The following RAB5C variants were observed in gnomAD, a reference collection of about 807,000 sequenced individuals.
The protein encoded by RAB5C is ras-related protein Rab-5C.
RAB5C carries 4 observed loss-of-function variants against 25.2 expected under a neutral mutation model. That is an observed-to-expected ratio of 0.16 (90% CI 0.08 to 0.36). RAB5C has a LOEUF of 0.36. RAB5C is among the 10% of genes least tolerant of loss of function. The pLI is 1.00. For synonymous variants in RAB5C, 100 were observed against 106.4 expected (o/e 0.94, Z 0.37); for missense variants, 199 against 283.8 (o/e 0.70, Z 2.15).
In RAB5C at chr17:42,125,775, A is replaced by AG. The variant is rs781846461; in HGVS notation, c.*7dup. 7 of 1,589,430 alleles carry AG rather than the reference A, an allele frequency of 4.4e-6. No individual in the cohort carries two copies. Among genetic ancestry groups the AG allele is most frequent in the Non-Finnish European group, 5.1e-6 (6 of 1,167,922 alleles). The stretch of plus-strand genomic sequence containing the variant: ...AGGAGGCGGGGGCAGCGGGCAGGCA[A>AG]GGGGGGCTCAGTTGCTGCAGCACTG... On this transcript the variant is annotated 3_prime_UTR_variant, in exon 6 of 6. Coordinates refer to ENST00000346213, the MANE Select transcript of RAB5C (RefSeq NM_004583.4).
Position 42,127,744 on chromosome 17 carries a change from G to T in RAB5C, c.441+517C>A, listed in dbSNP as rs145786142. Reference sequence around the variant, plus strand: ...GGGTTTCGCCACATTGCCCATGCTGGTCTCGAACTCCTAAGCTCAAGTGAT... The same window carrying T: ...GGGTTTCGCCACATTGCCCATGCTGTTCTCGAACTCCTAAGCTCAAGTGAT... On this transcript the variant is annotated intron_variant, in intron 4 of 5. Transcript: ENST00000346213. Among the ~76,000 whole-genome samples the T allele has an allele frequency of 5.2e-4, 78 of 151,156 alleles. 1 individual carries two copies. The East Asian group carries it at 0.014, about 27-fold the overall frequency.
intron 1 of RAB5C, among the ~76,000 whole-genome samples, chr17:42,133,712 C>T (rs1319180878): frequency 6.6e-6 from 1 of 152,222 alleles, no homozygotes; most frequent in Non-Finnish European, 1.5e-5. Flanking sequence ...TTGTAGAAGC[C>T]ACCTGAGCTG....
intron 1 of RAB5C, among the ~76,000 whole-genome samples, chr17:42,133,713 A>C (rs974712487): frequency 1.3e-5 from 2 of 152,212 alleles, no homozygotes; most frequent in African/African-American, 4.8e-5. Context: ...TGTAGAAGCC[A>C]CCTGAGCTGA....
chr17:42,151,162 C>T (rs991646901), intron 1 of RAB5C, among the ~76,000 whole-genome samples: 21 of 152,110 alleles, frequency 1.4e-4, no homozygotes, highest in Admixed American at 7.9e-4. Flanking sequence ...TCTGGCCAGG[C>T]GCAGTGGCTC....
rs1256577681 is a variant in RAB5C, at chr17:42,125,438, A to T, written c.*345T>A. 8.7e-6 allele frequency: 2 copies of T among 230,682 alleles called. No homozygotes were observed. Among genetic ancestry groups the T allele is most frequent in the Admixed American group, 1.1e-4 (2 of 18,564 alleles). 14.3% of individuals were successfully genotyped at this position (230,682 alleles called of 1,614,324 possible). On this transcript the variant is annotated 3_prime_UTR_variant, in exon 6 of 6. Coordinates refer to ENST00000346213, the MANE Select transcript of RAB5C (RefSeq NM_004583.4). Reference sequence around the variant, plus strand: ...AGGGAAAGAAAGGGTAGCTGCACTGACCCCACTGTCCCCATATACAAGGGT... The same window carrying T: ...AGGGAAAGAAAGGGTAGCTGCACTGTCCCCACTGTCCCCATATACAAGGGT...
chr17:42,140,653 A>G (rs1598253004), intron 1 of RAB5C, among the ~76,000 whole-genome samples: 1 of 150,450 alleles, frequency 6.6e-6, no homozygotes, highest in Non-Finnish European at 1.5e-5. Flanking sequence ...CCTCCTGAGT[A>G]GCTGGGATTC....
At chr17:42,131,458 A>T (rs1414513825) in intron 1 of RAB5C, 2 of 722,058 alleles carry the variant, frequency 2.8e-6, no homozygotes, top group Non-Finnish European at 4.6e-6. Flanking sequence ...ACACACAAAA[A>T]CACATGCCAA....
chr17:42,127,489 C>T (rs2054438187), intron 4 of RAB5C, among the ~76,000 whole-genome samples: 1 of 152,008 alleles, frequency 6.6e-6, no homozygotes, highest in Admixed American at 6.6e-5. Context: ...AGAAAGAGAA[C>T]CAGGGAGAGA....
At chr17:42,151,731 A>G (rs912017146) in intron 1 of RAB5C, among the ~76,000 whole-genome samples, 1 of 152,158 alleles carries the variant, frequency 6.6e-6, no homozygotes, top group African/African-American at 2.4e-5. Context: ...AATTAATGAC[A>G]TGTAGATGTC....
chr17:42,140,982 C>T (rs1471999151), intron 1 of RAB5C, among the ~76,000 whole-genome samples: 1 of 151,984 alleles, frequency 6.6e-6, no homozygotes, highest in African/African-American at 2.4e-5. Flanking sequence ...GCGCATGCCA[C>T]CATGCCCAGC....
chr17:42,131,156 T>C (rs2054481868), intron 1 of RAB5C, among the ~76,000 whole-genome samples: 1 of 152,094 alleles, frequency 6.6e-6, no homozygotes, highest in Admixed American at 6.5e-5. Context: ...CCAGCACAAG[T>C]TGTTATTAAC....
At chr17:42,139,083 G>A (rs2054565798) in intron 1 of RAB5C, among the ~76,000 whole-genome samples, 1 of 152,184 alleles carries the variant, frequency 6.6e-6, no homozygotes, top group Non-Finnish European at 1.5e-5. Flanking sequence ...AGCAGTCAGG[G>A]CTGGATGGAA....
chr17:42,141,418 A>G (rs2079602657), intron 1 of RAB5C, among the ~76,000 whole-genome samples: 1 of 152,256 alleles, frequency 6.6e-6, no homozygotes, highest in Non-Finnish European at 1.5e-5. Context: ...ACATAACAGC[A>G]AGCCTGACCC....
At position 42,128,774 on chromosome 17, in the gene RAB5C, G is replaced by A. The variant is rs771196061; in HGVS notation, c.193C>T (p.Leu65=). Residue 65 remains leucine, a synonymous_variant, in exon 3 of 6, where the codon CTG becomes TTG. Coordinates refer to ENST00000346213, the MANE Select transcript of RAB5C (RefSeq NM_004583.4). ...GAAFLTQTVC[L]DDTTVKFEIW... ...TCAAACTTGACTGTTGTGTCATCCA[G>A]GCAGACAGTCTGTGTGAGGAAGGCC... 2 of 1,562,184 alleles carry A rather than the reference G, an allele frequency of 1.3e-6. No homozygotes were observed. The highest frequency in any genetic ancestry group is 2.4e-5 in the South Asian group (2 of 82,894).
At chr17:42,149,094 A>G (rs1187816988) in intron 1 of RAB5C, among the ~76,000 whole-genome samples, 1 of 152,216 alleles carries the variant, frequency 6.6e-6, no homozygotes, top group South Asian at 2.1e-4. Context: ...AGGATGCCAA[A>G]AATATTCCGA....
intron 1 of RAB5C, chr17:42,131,668 T>TG (rs2054487716): frequency 6.7e-7 from 1 of 1,501,606 alleles, no homozygotes. Flanking sequence ...GCAGGAGGTG[T>TG]GGGAGGGCAG....
intron 1 of RAB5C, among the ~76,000 whole-genome samples, chr17:42,144,315 G>T (rs927177929): frequency 6.6e-6 from 1 of 151,692 alleles, no homozygotes; most frequent in South Asian, 2.1e-4. Flanking sequence ...AAATTAGCCG[G>T]GCATGGTGGC....
At position 42,125,678 on chromosome 17, in the gene RAB5C, G is replaced by GC. The variant is rs1197245278; in HGVS notation, c.*104dup. ...GAAATCATGGTGGACCCCTCCCCCT[G>GC]CCCCCCCAGTGGTGGCCCGAGTCGT... On this transcript the variant is annotated 3_prime_UTR_variant, in exon 6 of 6. Coordinates refer to ENST00000346213, the MANE Select transcript of RAB5C (RefSeq NM_004583.4). The GC allele has an allele frequency of 1.0e-4, 74 of 736,650 alleles. No homozygotes were observed. Among genetic ancestry groups the GC allele is most frequent in the South Asian group, 1.2e-4 (7 of 57,050 alleles). The allele number at this position is 736,650 out of a possible 1,614,324, so 45.6% of individuals were successfully genotyped here. A position where few individuals can be genotyped will look rare whatever the true frequency, so the allele number is the denominator to read the frequency against.
intron 1 of RAB5C, chr17:42,131,759 C>T: frequency 1.4e-6 from 1 of 720,714 alleles, no homozygotes; most frequent in Non-Finnish European, 2.2e-6. Context: ...TTCAGAGGCT[C>T]AACTTTTTGT....
Sources: gnomAD v4.1 joint callset for allele counts (sites outside exome capture counted in the v4.1 genomes callset) on GRCh38, gnomAD v4.1.1 for gene constraint, MANE v1.5 for transcripts, NCBI Gene and HGNC (gene_info 2026-07-23, HGNC 2026-07-21) for gene names.